COL19A1: variants seen among roughly 807,000 people sequenced by gnomAD.
The protein encoded by COL19A1 is collagen type XIX alpha 1 chain.
COL19A1 carries 159 observed loss-of-function variants against 190.2 expected under a neutral mutation model. The ratio of observed to expected loss-of-function variants is 0.84; its 90% confidence interval spans 0.73 to 0.95. COL19A1 has a LOEUF of 0.95. Ranked by LOEUF, COL19A1 falls within the 40% of genes least tolerant of loss-of-function variation. COL19A1 has a pLI of 0.00. For synonymous variants in COL19A1, 509 were observed against 458.9 expected, an observed-to-expected ratio of 1.11 and a Z score of -1.39; for missense variants, 1,418 against 1,431.9, an observed-to-expected ratio of 0.99 and a Z score of 0.16.
rs554475668 is a variant in COL19A1 at position 70,208,141 on chromosome 6, C to CT, written c.*870dup. On this transcript the variant is annotated 3_prime_UTR_variant, in exon 51 of 51. Transcript: ENST00000620364. ...CTTGGTGGTGAAGCCACCAAGCTGT[C>CT]TTTGGTACTCTTAAAGCTTCAGTGG... The CT allele has an allele frequency of 2.8e-3, 420 of 152,270 alleles. 2 individuals are homozygous for CT. Among genetic ancestry groups the CT allele is most frequent in the African/African-American group, 9.6e-3 (400 of 41,548 alleles). The allele number at this position is 152,270 out of a possible 1,614,324, so 9.4% of individuals were successfully genotyped here.
chr6:69,905,733 C>A (rs1336023713), intron 4 of COL19A1, among the ~76,000 whole-genome samples: 2 of 152,192 alleles, frequency 1.3e-5, no homozygotes, highest in African/African-American at 4.8e-5. Flanking sequence ...TTCCTTACAA[C>A]ATCATTGTAC....
chr6:69,964,365 T>C (rs916443149), intron 11 of COL19A1, among the ~76,000 whole-genome samples: 1 of 152,180 alleles, frequency 6.6e-6, no homozygotes, highest in African/African-American at 2.4e-5. Context: ...TGCTTTAGAA[T>C]AACAGCCATT....
intron 11 of COL19A1, among the ~76,000 whole-genome samples, chr6:69,977,806 C>CTT (rs980772678): frequency 5.9e-5 from 9 of 151,852 alleles, no homozygotes; most frequent in African/African-American, 1.5e-4. Flanking sequence ...TTATTTTGTC[C>CTT]TTAATTAAGA....
intron 36 of COL19A1, 27 bp downstream of exon 36, chr6:70,163,423 T>C: frequency 6.2e-7 from 1 of 1,605,110 alleles, no homozygotes; most frequent in Non-Finnish European, 8.5e-7. Context: ...TCACTTACCA[T>C]CCAAACTGGG....
At chr6:70,190,267 C>T in intron 47 of COL19A1, 48 bp from the exon 48 acceptor site, 2 of 1,360,452 alleles carry the variant, frequency 1.5e-6, no homozygotes, top group South Asian at 1.3e-5. Context: ...ATTCTTTATT[C>T]ATTTGTGCTA....
intron 9 of COL19A1, among the ~76,000 whole-genome samples, chr6:69,947,241 A>G (rs952486564): frequency 5.3e-5 from 8 of 151,908 alleles, no homozygotes. Context: ...GACATACTAT[A>G]ATTAAAAATA....
At chr6:70,197,237 G>A (rs754969411) in intron 48 of COL19A1, among the ~76,000 whole-genome samples, 3 of 151,714 alleles carry the variant, frequency 2.0e-5, no homozygotes, top group Admixed American at 6.6e-5. Context: ...TGGCTGACAC[G>A]GTGAAACCCT....
At chr6:70,153,811 A>G (rs540438407) in intron 31 of COL19A1, among the ~76,000 whole-genome samples, 2 of 151,950 alleles carry the variant, frequency 1.3e-5, no homozygotes, top group African/African-American at 4.8e-5. Flanking sequence ...TTCTATAAAT[A>G]TATATATTTA....
intron 16 of COL19A1, among the ~76,000 whole-genome samples, chr6:70,106,179 A>G (rs1184559775): frequency 6.6e-6 from 1 of 152,208 alleles, no homozygotes; most frequent in Non-Finnish European, 1.5e-5. Flanking sequence ...AATGGCCTGA[A>G]GCAATTCAAA....
chr6:70,103,788 G>C (rs1234588856), intron 16 of COL19A1, among the ~76,000 whole-genome samples: 1 of 152,048 alleles, frequency 6.6e-6, no homozygotes. Context: ...TGTTACTTTG[G>C]ACTCTTATTT....
At chr6:69,867,252 C>A (rs1452058810) in intron 1 of COL19A1, among the ~76,000 whole-genome samples, 1 of 152,126 alleles carries the variant, frequency 6.6e-6, no homozygotes, top group Non-Finnish European at 1.5e-5. Context: ...TGGGGGGCGG[C>A]GCGGGCGCGG....
At chr6:69,967,411 A>G (rs1775180021) in intron 11 of COL19A1, among the ~76,000 whole-genome samples, 1 of 151,656 alleles carries the variant, frequency 6.6e-6, no homozygotes, top group Non-Finnish European at 1.5e-5. Context: ...AGCATCAAAC[A>G]TGTGGCATAT....
chr6:70,050,616 T>C (rs375297366), intron 14 of COL19A1, among the ~76,000 whole-genome samples: 4 of 152,052 alleles, frequency 2.6e-5, no homozygotes, highest in African/African-American at 9.7e-5. Flanking sequence ...ACAGTGAAAA[T>C]ATCTACAGAA....
intron 14 of COL19A1, among the ~76,000 whole-genome samples, chr6:70,040,489 G>A (rs1779584091): frequency 6.6e-6 from 1 of 152,070 alleles, no homozygotes; most frequent in Non-Finnish European, 1.5e-5. Context: ...TAATATATAA[G>A]AAACCTATTA....
intron 2 of COL19A1, among the ~76,000 whole-genome samples, chr6:69,897,762 A>G (rs1769891397): frequency 6.6e-6 from 1 of 152,146 alleles, no homozygotes; most frequent in African/African-American, 2.4e-5. Flanking sequence ...AGAGCCTGCA[A>G]TTGTATTAAG....
intron 11 of COL19A1, among the ~76,000 whole-genome samples, chr6:70,004,911 T>C (rs1490321649): frequency 2.6e-5 from 4 of 151,622 alleles, no homozygotes; most frequent in Admixed American, 2.6e-4. Flanking sequence ...CGGCTCACTG[T>C]AAGCTCTGCC....
chr6:70,154,648 C>A (rs906074851), intron 31 of COL19A1, among the ~76,000 whole-genome samples: 2 of 152,088 alleles, frequency 1.3e-5, no homozygotes, highest in African/African-American at 2.4e-5. Flanking sequence ...GTCTGCAAGT[C>A]GAAGAGCAAG....
intron 11 of COL19A1, among the ~76,000 whole-genome samples, chr6:69,997,784 C>T (rs538515434): frequency 1.3e-5 from 2 of 152,034 alleles, no homozygotes; most frequent in African/African-American, 4.8e-5. Flanking sequence ...TAATGGGAAT[C>T]CCAGGAGAAA....
intron 11 of COL19A1, among the ~76,000 whole-genome samples, chr6:69,987,873 A>G (rs952651049): frequency 3.3e-5 from 5 of 152,210 alleles, no homozygotes; most frequent in African/African-American, 1.2e-4. Flanking sequence ...TTCTCAACCC[A>G]GGGTTACAGT....
Sources: allele counts gnomAD v4.1 joint callset (sites outside exome capture counted in the v4.1 genomes callset), GRCh38; gene constraint gnomAD v4.1.1; transcripts MANE v1.5; gene names NCBI Gene and HGNC (gene_info 2026-07-23, HGNC 2026-07-21).